Variants in IFT80 observed in about 807,000 individuals in gnomAD.
IFT80 encodes the protein intraflagellar transport protein 80 homolog.
A neutral mutation model predicts 107.9 loss-of-function variants in IFT80; 79 were observed. The ratio of observed to expected loss-of-function variants is 0.73; its 90% CI spans 0.61 to 0.88. The LOEUF is 0.88. Ranked by LOEUF, IFT80 falls within the 40% of genes least tolerant of loss-of-function variation. The pLI is 0.00. For synonymous variants in IFT80, 299 were observed against 300.9 expected, an observed-to-expected ratio of 0.99 and a Z score of 0.07; for missense variants, 797 against 914.2, an observed-to-expected ratio of 0.87 and a Z score of 1.65.
chr3:160,292,475 CTTTTTTT>C (rs142116230), intron 12 of IFT80, among the ~76,000 whole-genome samples: 4 of 115,362 alleles, frequency 3.5e-5, no homozygotes, highest in Non-Finnish European at 5.2e-5. Flanking sequence ...AGAGAGATTC[CTTTTTTT>C]TTTTTTTTTT....
chr3:160,354,558 TAGG>T (rs1720934066), intron 8 of IFT80, among the ~76,000 whole-genome samples: 1 of 151,692 alleles, frequency 6.6e-6, no homozygotes, highest in East Asian at 1.9e-4. Flanking sequence ...GAGGCTAAGG[TAGG>T]AGAATGGCGT....
At chr3:160,325,201 C>G (rs1718594695) in intron 8 of IFT80, among the ~76,000 whole-genome samples, 1 of 151,956 alleles carries the variant, frequency 6.6e-6, no homozygotes, top group African/African-American at 2.4e-5. Context: ...AATGGCCATA[C>G]TGCCCAAGGT....
At chr3:160,344,315 G>A (rs892731463) in intron 8 of IFT80, among the ~76,000 whole-genome samples, 3 of 151,836 alleles carry the variant, frequency 2.0e-5, no homozygotes, top group African/African-American at 7.3e-5. Context: ...TTGGCTCTTT[G>A]AGCATATTTA....
intron 16 of IFT80, among the ~76,000 whole-genome samples, chr3:160,278,027 G>C (rs568836189): frequency 6.6e-6 from 1 of 152,144 alleles, no homozygotes; most frequent in African/African-American, 2.4e-5. Flanking sequence ...ATGATATTAT[G>C]GTAGATTGCT....
chr3:160,335,455 G>A (rs1456888927), intron 8 of IFT80, among the ~76,000 whole-genome samples: 2 of 151,644 alleles, frequency 1.3e-5, no homozygotes, highest in East Asian at 3.9e-4. Context: ...CTCCTGACCT[G>A]AGGTGATCCA....
intron 12 of IFT80, among the ~76,000 whole-genome samples, chr3:160,298,156 A>G (rs569914655): frequency 6.6e-6 from 1 of 152,276 alleles, no homozygotes; most frequent in East Asian, 1.9e-4. Flanking sequence ...TATAATACAG[A>G]GTACTACACT....
intron 8 of IFT80, among the ~76,000 whole-genome samples, chr3:160,334,998 T>C (rs956138003): frequency 6.6e-6 from 1 of 152,116 alleles, no homozygotes; most frequent in Non-Finnish European, 1.5e-5. Context: ...ATTGCTTTTC[T>C]AGGTCTTTTT....
intron 8 of IFT80, among the ~76,000 whole-genome samples, chr3:160,350,231 A>G (rs913160731): frequency 5.9e-5 from 9 of 151,546 alleles, no homozygotes; most frequent in African/African-American, 1.2e-4. Flanking sequence ...CCTGGGCAAT[A>G]TGGTGAAACC....
intron 6 of IFT80, among the ~76,000 whole-genome samples, chr3:160,360,934 G>C (rs184332218): frequency 6.6e-6 from 1 of 152,266 alleles, no homozygotes; most frequent in African/African-American, 2.4e-5. Context: ...TTGATGCTAG[G>C]AAGCATCTAT....
At chr3:160,345,656 T>C (rs533519437) in intron 8 of IFT80, among the ~76,000 whole-genome samples, 26 of 139,246 alleles carry the variant, frequency 1.9e-4, no homozygotes, top group African/African-American at 6.5e-4. Context: ...ATTGCTCCAT[T>C]GCACTCCAGC....
At chr3:160,354,064 T>A (rs913993512) in intron 8 of IFT80, among the ~76,000 whole-genome samples, 2 of 152,158 alleles carry the variant, frequency 1.3e-5, no homozygotes, top group African/African-American at 4.8e-5. Context: ...ACTATTGGAT[T>A]TTATAAACTA....
intron 1 of IFT80, among the ~76,000 whole-genome samples, chr3:160,393,427 C>G (rs1165721171): frequency 6.6e-6 from 1 of 152,080 alleles, no homozygotes; most frequent in Non-Finnish European, 1.5e-5. Context: ...TACAAAAGGA[C>G]AAATACTGTA....
intron 9 of IFT80, among the ~76,000 whole-genome samples, chr3:160,312,883 TATATATAAATATATA>T (rs1258835412): frequency 3.6e-5 from 1 of 27,996 alleles, no homozygotes; most frequent in Non-Finnish European, 6.4e-5. Context: ...AAATATATAT[TATATATAAATATATA>T]ATATATAATA....
chr3:160,376,548 C>T (rs1559968623), intron 4 of IFT80, among the ~76,000 whole-genome samples: 1 of 152,196 alleles, frequency 6.6e-6, no homozygotes, highest in Non-Finnish European at 1.5e-5. Context: ...AACACATCCT[C>T]AAATTCTTTC....
At chr3:160,340,791 C>T (rs1719839922) in intron 8 of IFT80, among the ~76,000 whole-genome samples, 2 of 152,182 alleles carry the variant, frequency 1.3e-5, no homozygotes, top group Admixed American at 1.3e-4. Context: ...AAGGTCCCTA[C>T]CCTTAATCGC....
At chr3:160,359,165 G>C (rs900942303) in intron 6 of IFT80, among the ~76,000 whole-genome samples, 1 of 152,130 alleles carries the variant, frequency 6.6e-6, no homozygotes, top group Non-Finnish European at 1.5e-5. Flanking sequence ...TAGATAATTT[G>C]CATGAAGTTA....
chr3:160,382,854 C>T (rs1712631433), intron 2 of IFT80, among the ~76,000 whole-genome samples: 2 of 151,790 alleles, frequency 1.3e-5, no homozygotes, highest in South Asian at 4.2e-4. Context: ...TAAGCAGAAA[C>T]CAAAAAGATA....
At chr3:160,279,486 AC>A in intron 15 of IFT80, 122 bp from the exon 16 acceptor site, 2 of 772,608 alleles carry the variant, frequency 2.6e-6, no homozygotes, top group Non-Finnish European at 2.2e-6. Context: ...CAAAAGGCAC[AC>A]CCCCAAAGGT....
At chr3:160,321,089 C>T (rs1473939462) in intron 8 of IFT80, among the ~76,000 whole-genome samples, 1 of 151,700 alleles carries the variant, frequency 6.6e-6, no homozygotes, top group Non-Finnish European at 1.5e-5. Flanking sequence ...ATGAACAAAC[C>T]ATAACCTTTG....
Sources: allele counts gnomAD v4.1 joint callset (sites outside exome capture counted in the v4.1 genomes callset), GRCh38; gene constraint gnomAD v4.1.1; transcripts MANE v1.5; gene names NCBI Gene and HGNC (gene_info 2026-07-23, HGNC 2026-07-21).